Variants in EIF2S1 observed in about 807,000 individuals in gnomAD.
EIF2S1 encodes the protein eukaryotic translation initiation factor 2 subunit alpha, also known as eukaryotic translation initiation factor 2 subunit 1.
A neutral mutation model predicts 33.5 loss-of-function variants in EIF2S1; 5 were observed. The ratio of observed to expected loss-of-function variants is 0.15; its 90% CI spans 0.08 to 0.31. The LOEUF (loss-of-function observed/expected upper bound fraction) is 0.31, where lower values mean the gene tolerates loss of function less well. Among genes scored for constraint, EIF2S1 ranks in the 10% least tolerant of loss-of-function variants. EIF2S1 has a pLI of 1.00. For missense variants in EIF2S1, 191 were observed against 384.6 expected (o/e 0.50, Z 4.21); for synonymous variants, 99 against 127.5 (o/e 0.78, Z 1.51).
Position 67,376,384 on chromosome 14 carries a change from CATTTTTT to C in EIF2S1, c.322-52_322-46del, listed in dbSNP as rs1250492552. 6.7e-6 allele frequency: 10 copies of C among 1,485,004 alleles called. No homozygotes were observed. In the East Asian group the frequency reaches 2.4e-4, roughly 36 times the overall value. 92.0% of individuals were successfully genotyped at this position (1,485,004 alleles called of 1,614,324 possible). A position where few individuals can be genotyped will look rare whatever the true frequency, so the allele number is the denominator to read the frequency against. ...TATGTTATTTACTAAAATGTAAAAA[CATTTTTT>C]ATAAATCTCTTATCTTTGAATTGTT... On this transcript the variant is annotated intron_variant, in intron 3 of 7. Transcript: ENST00000256383.
intron 2 of EIF2S1, among the ~76,000 whole-genome samples, chr14:67,371,581 ATACTC>A (rs878931420): frequency 1.3e-5 from 2 of 152,226 alleles, no homozygotes; most frequent in Admixed American, 6.5e-5. Flanking sequence ...GTTGTTTAGT[ATACTC>A]TATTATTCCT....
chr14:67,386,190 T>C lies in EIF2S1; in HGVS notation c.*2750T>C, dbSNP rs1293936945. On this transcript the variant is annotated 3_prime_UTR_variant, in exon 8 of 8. Coordinates refer to ENST00000256383, the MANE Select transcript of EIF2S1 (RefSeq NM_004094.5). ...ACAAAAAAACTAATTCCAGGGACAT[T>C]AGACCTTGGTGAAATGCCAAATGGA... The C allele has an allele frequency of 6.6e-6, 1 of 152,650 alleles. No individual in the cohort carries two copies. Among genetic ancestry groups the C allele is most frequent in the Non-Finnish European group, 1.5e-5 (1 of 68,046 alleles). 9.5% of individuals were successfully genotyped at this position (152,650 alleles called of 1,614,324 possible).
At chr14:67,365,169 T>A (rs1044659176) in intron 2 of EIF2S1, among the ~76,000 whole-genome samples, 161 bp downstream of exon 2, 1 of 152,230 alleles carries the variant, frequency 6.6e-6, no homozygotes, top group Non-Finnish European at 1.5e-5. Flanking sequence ...CAATTAGCTA[T>A]CTAAGCAAGA....
chr14:67,381,540 CTT>C (rs1194520179), intron 5 of EIF2S1, 51 bp from the exon 6 acceptor site: 1 of 1,432,642 alleles, frequency 7.0e-7, no homozygotes, highest in Non-Finnish European at 9.8e-7. Flanking sequence ...TTCCTTTAAA[CTT>C]TTAAATATTT....
intron 7 of EIF2S1, among the ~76,000 whole-genome samples, 183 bp from the exon 8 acceptor site, chr14:67,383,132 A>T (rs984424320): frequency 6.6e-6 from 1 of 152,194 alleles, no homozygotes; most frequent in Non-Finnish European, 1.5e-5. Flanking sequence ...TACTATTCTC[A>T]TAAGTTTCAC....
intron 7 of EIF2S1, among the ~76,000 whole-genome samples, chr14:67,382,947 A>G (rs906542663): frequency 2.0e-5 from 3 of 151,926 alleles, no homozygotes; most frequent in African/African-American, 7.3e-5. Flanking sequence ...CTTCTATGGA[A>G]AGGACTAGTA....
chr14:67,382,578 T>A lies in EIF2S1; in HGVS notation c.810T>A (p.Asn270Lys). The change falls in exon 7 of 8, where the codon AAT (asparagine) becomes AAA (lysine). Residue 270 changes from asparagine to lysine, a missense_variant. By Grantham distance (94) the Asn-to-Lys change is moderately conservative. Coordinates refer to ENST00000256383, the MANE Select transcript of EIF2S1 (RefSeq NM_004094.5). ...EKIEEKRGVF[N>K]VQMEPKVVTD... The stretch of plus-strand genomic sequence containing the variant: ...TTGAGGAAAAGAGGGGTGTGTTCAA[T>A]GTTCAAATGGAGGTGAGATCAATAG... 1 of 1,613,896 alleles carries A rather than the reference T, an allele frequency of 6.2e-7. No homozygotes were observed. Among genetic ancestry groups the A allele is most frequent in the East Asian group, 2.2e-5 (1 of 44,834 alleles).
chr14:67,366,008 G>T (rs2085774710), intron 2 of EIF2S1, among the ~76,000 whole-genome samples: 1 of 151,496 alleles, frequency 6.6e-6, no homozygotes, highest in Non-Finnish European at 1.5e-5. Flanking sequence ...ACTACTTTGA[G>T]ACTATTTGTT....
At chr14:67,373,844 T>A (rs1420563436) in intron 2 of EIF2S1, among the ~76,000 whole-genome samples, 1 of 97,330 alleles carries the variant, frequency 1.0e-5, no homozygotes, top group Non-Finnish European at 1.8e-5. Flanking sequence ...ATTTGTTCAG[T>A]GTGTGTGTGT....
At chr14:67,378,314 CT>C (rs34487632) in intron 4 of EIF2S1, among the ~76,000 whole-genome samples, 9,903 of 107,618 alleles carry the variant, frequency 0.092, 409 homozygotes, top group African/African-American at 0.18. Context: ...TCTCATGTGA[CT>C]TTTTTTTTTT....
intron 4 of EIF2S1, among the ~76,000 whole-genome samples, chr14:67,379,975 A>G (rs1426563949): frequency 1.3e-5 from 2 of 151,862 alleles, no homozygotes; most frequent in East Asian, 1.9e-4. Flanking sequence ...AGACTGGTCT[A>G]TGAACTCCTG....
At chr14:67,376,716 T>A in intron 4 of EIF2S1, 126 bp downstream of exon 4, 1 of 937,374 alleles carries the variant, frequency 1.1e-6, no homozygotes, top group Non-Finnish European at 1.6e-6. Context: ...TATTGGCCAG[T>A]AAATGGGCCA....
At chr14:67,381,723 A>G (rs745591296) in intron 6 of EIF2S1, 33 bp downstream of exon 6, 15 of 1,463,744 alleles carry the variant, frequency 1.0e-5, no homozygotes, top group Middle Eastern at 1.7e-4. Context: ...CCCTGCTGAA[A>G]TGCTCACCTA....
intron 4 of EIF2S1, among the ~76,000 whole-genome samples, chr14:67,377,961 A>G (rs1368274943): frequency 6.6e-6 from 1 of 151,880 alleles, no homozygotes; most frequent in Non-Finnish European, 1.5e-5. Context: ...AAAAAAATTA[A>G]AAGTAGCCAG....
rs1380047150 is a variant in EIF2S1 at position 67,384,669 on chromosome 14, G to A, written c.*1229G>A. On this transcript the variant is annotated 3_prime_UTR_variant, in exon 8 of 8. Transcript: ENST00000256383. ...ATTAAAGGGTCTGGAAAATAGAAGA[G>A]TGTGTTGGGCAGGTAGTTTGTACCA... The A allele has an allele frequency of 2.0e-5, 3 of 152,218 alleles. No individual in the cohort carries two copies. The East Asian group carries it at 5.8e-4, about 29-fold the overall frequency. The allele number at this position is 152,218 out of a possible 1,614,324, so 9.4% of individuals were successfully genotyped here. A position where few individuals can be genotyped will look rare whatever the true frequency, so the allele number is the denominator to read the frequency against.
In EIF2S1 at chr14:67,386,081, A is replaced by G. The variant is rs1379792210; in HGVS notation, c.*2641A>G. ...ATAGCTCCCATACAAAGTGAGGTAC[A>G]CTGTTGCCAATTTGGAGGCAGGAAG... On this transcript the variant is annotated 3_prime_UTR_variant, in exon 8 of 8. Transcript: ENST00000256383. 1.3e-5 allele frequency: 2 copies of G among 152,474 alleles called. No homozygotes were observed. Among genetic ancestry groups the G allele is most frequent in the Non-Finnish European group, 2.9e-5 (2 of 68,036 alleles). The allele number at this position is 152,474 out of a possible 1,614,324, so 9.4% of individuals were successfully genotyped here.
In EIF2S1 at chr14:67,383,019, G is replaced by A. The variant is rs554849017; in HGVS notation, c.823-296G>A. ...TTTTTTAACAGGATATCTATTTGTG[G>A]TCTTGAAAGATACAGCCATTGGGGT... On this transcript the variant is annotated intron_variant, in intron 7 of 7. Transcript: ENST00000256383. 1.1e-4 allele frequency among the ~76,000 whole-genome samples: 16 copies of A among 152,070 alleles called. No homozygotes were observed. The South Asian group carries it at 3.3e-3, about 32-fold the overall frequency.
rs1223353630 is a variant in EIF2S1 at position 67,381,667 on chromosome 14, T to G, written c.655T>G (p.Ser219Ala). 6.2e-7 allele frequency: 1 copy of G among 1,613,374 alleles called. No homozygotes were observed. The highest frequency in any genetic ancestry group is 1.7e-5 in the Admixed American group (1 of 60,016). The change falls in exon 6 of 8, where the codon TCT (serine) becomes GCT (alanine). Residue 219 changes from serine (S) to alanine (A), a missense_variant. Transcript: ENST00000256383. ...KEALRAGLNC[S>A]TENMPIKINL... ...AGCCCTAAGAGCAGGTTTGAATTGTTCTACAGAAAACATGCCCATTAAGGT... is the reference window on the plus strand; with the variant it reads ...AGCCCTAAGAGCAGGTTTGAATTGTGCTACAGAAAACATGCCCATTAAGGT...
At chr14:67,362,266 C>T (rs1050416603) in intron 1 of EIF2S1, among the ~76,000 whole-genome samples, 1 of 151,830 alleles carries the variant, frequency 6.6e-6, no homozygotes, top group African/African-American at 2.4e-5. Context: ...GTGATCCACC[C>T]GCCTCGGCCT....
Sources: gnomAD v4.1 joint callset for allele counts (sites outside exome capture counted in the v4.1 genomes callset) on GRCh38, gnomAD v4.1.1 for gene constraint, MANE v1.5 for transcripts, NCBI Gene and HGNC (gene_info 2026-07-23, HGNC 2026-07-21) for gene names.